Variants in SMYD3 observed in about 807,000 individuals in gnomAD.
SMYD3 encodes the protein histone-lysine N-methyltransferase SMYD3.
Under a neutral mutation model 57.7 loss-of-function variants are expected in SMYD3, and 36 were observed. The ratio of observed to expected loss-of-function variants is 0.62; its 90% CI spans 0.48 to 0.82. The LOEUF (loss-of-function observed/expected upper bound fraction) is 0.82, where lower values mean the gene tolerates loss of function less well. Ranked by LOEUF, SMYD3 falls within the 40% of genes least tolerant of loss-of-function variation. The pLI is 0.00. For missense variants in SMYD3, 515 were observed against 538.8 expected (o/e 0.96, Z 0.44); for synonymous variants, 211 against 195.0 (o/e 1.08, Z -0.68).
At chr1:245,849,258 A>G (rs575393300) in intron 10 of SMYD3, among the ~76,000 whole-genome samples, 5 of 152,332 alleles carry the variant, frequency 3.3e-5, no homozygotes, top group African/African-American at 1.2e-4. Context: ...AGCTCCCCTT[A>G]GCACATGGTT....
intron 8 of SMYD3, among the ~76,000 whole-genome samples, chr1:245,877,302 G>A (rs1172503766): frequency 1.3e-5 from 2 of 152,188 alleles, no homozygotes; most frequent in Non-Finnish European, 2.9e-5. Flanking sequence ...TGAATTAAAC[G>A]GTTCATCGGG....
At chr1:246,071,254 T>C (rs867637142) in intron 5 of SMYD3, among the ~76,000 whole-genome samples, 7 of 151,788 alleles carry the variant, frequency 4.6e-5, no homozygotes, top group Non-Finnish European at 8.8e-5. Flanking sequence ...TAAAAAAAAA[T>C]TGTGGGAGTG....
intron 1 of SMYD3, among the ~76,000 whole-genome samples, chr1:246,465,440 A>T (rs1572524160): frequency 6.6e-6 from 1 of 152,260 alleles, no homozygotes. Context: ...ACTAGTGCCA[A>T]ATACACCACT....
intron 1 of SMYD3, among the ~76,000 whole-genome samples, chr1:246,357,827 C>G (rs1001679232): frequency 1.3e-5 from 2 of 152,160 alleles, no homozygotes; most frequent in Non-Finnish European, 2.9e-5. Flanking sequence ...AATCTTGAAA[C>G]AAATCCTCGA....
chr1:245,870,013 TC>T (rs1558441572), intron 8 of SMYD3, among the ~76,000 whole-genome samples: 2 of 152,178 alleles, frequency 1.3e-5, no homozygotes, highest in African/African-American at 4.8e-5. Flanking sequence ...TCCCCAGGTA[TC>T]CTCAGAACGC....
At chr1:246,504,254 T>G (rs1206065875) in intron 1 of SMYD3, among the ~76,000 whole-genome samples, 1 of 152,178 alleles carries the variant, frequency 6.6e-6, no homozygotes, top group Non-Finnish European at 1.5e-5. Flanking sequence ...GTGCATCCCT[T>G]AAGGACATCA....
chr1:246,073,534 T>C (rs1354560471), intron 5 of SMYD3, among the ~76,000 whole-genome samples: 3 of 151,898 alleles, frequency 2.0e-5, no homozygotes, highest in Non-Finnish European at 4.4e-5. Flanking sequence ...CTGGGCAACA[T>C]GGCAAAACCC....
intron 5 of SMYD3, among the ~76,000 whole-genome samples, chr1:246,115,286 A>C (rs1413182850): frequency 6.6e-6 from 1 of 152,194 alleles, no homozygotes; most frequent in African/African-American, 2.4e-5. Context: ...AAGACCACGA[A>C]TACTGCCTGC....
intron 5 of SMYD3, among the ~76,000 whole-genome samples, chr1:246,049,205 C>T (rs1294468287): frequency 2.6e-5 from 4 of 152,176 alleles, no homozygotes; most frequent in African/African-American, 9.7e-5. Flanking sequence ...ATAAACGACT[C>T]TGTGCTTCTT....
At chr1:245,778,699 T>G (rs1439048641) in intron 10 of SMYD3, among the ~76,000 whole-genome samples, 1 of 152,182 alleles carries the variant, frequency 6.6e-6, no homozygotes, top group East Asian at 1.9e-4. Context: ...AATAGATCAT[T>G]GACCTAAATA....
At chr1:246,297,510 A>G (rs79325596) in intron 5 of SMYD3, among the ~76,000 whole-genome samples, 1,892 of 152,276 alleles carry the variant, frequency 0.012, 24 homozygotes, top group Non-Finnish European at 0.02. Flanking sequence ...AGAACCCTCA[A>G]CGAACAAAGG....
intron 1 of SMYD3, among the ~76,000 whole-genome samples, chr1:246,440,576 T>A (rs1010950050): frequency 6.6e-5 from 10 of 152,126 alleles, no homozygotes; most frequent in African/African-American, 2.4e-4. Context: ...ATGTAGGAAC[T>A]CTCTCTCCAA....
intron 5 of SMYD3, among the ~76,000 whole-genome samples, chr1:246,072,282 G>GCTCACTGTC (rs2060468234): frequency 1.6e-5 from 1 of 61,052 alleles, no homozygotes; most frequent in African/African-American, 6.0e-5. Flanking sequence ...TGCTCACTGT[G>GCTCACTGTC]GATGCATCGT....
chr1:246,430,732 T>C (rs569772900), intron 1 of SMYD3, among the ~76,000 whole-genome samples: 1 of 152,122 alleles, frequency 6.6e-6, no homozygotes, highest in East Asian at 1.9e-4. Flanking sequence ...CAGGACTAGA[T>C]GATAACTGAA....
chr1:246,138,385 C>T (rs959683881), intron 5 of SMYD3, among the ~76,000 whole-genome samples: 6 of 152,022 alleles, frequency 3.9e-5, no homozygotes, highest in African/African-American at 1.4e-4. Context: ...GCATTTTGGT[C>T]AGTTCATCTC....
intron 5 of SMYD3, among the ~76,000 whole-genome samples, chr1:246,237,093 C>A (rs1229273438): frequency 2.0e-5 from 3 of 152,104 alleles, no homozygotes; most frequent in Middle Eastern, 3.2e-3. Context: ...AGCATCCCCC[C>A]ACTTGTCAAT....
chr1:246,403,881 A>G (rs1268184411), intron 1 of SMYD3, among the ~76,000 whole-genome samples: 2 of 152,224 alleles, frequency 1.3e-5, no homozygotes, highest in African/African-American at 4.8e-5. Context: ...TACATTTGTG[A>G]CAAGCATAGA....
At chr1:246,048,074 A>C (rs745774003) in intron 5 of SMYD3, among the ~76,000 whole-genome samples, 1 of 152,200 alleles carries the variant, frequency 6.6e-6, no homozygotes, top group African/African-American at 2.4e-5. Flanking sequence ...TAAATCGATA[A>C]GGAAAAGACC....
chr1:246,008,113 T>G (rs1309341467), intron 5 of SMYD3, among the ~76,000 whole-genome samples: 1 of 152,212 alleles, frequency 6.6e-6, no homozygotes, highest in Non-Finnish European at 1.5e-5. Flanking sequence ...ACAAGCGATG[T>G]GACAAAAATG....
Sources: allele counts gnomAD v4.1 joint callset (sites outside exome capture counted in the v4.1 genomes callset), GRCh38; gene constraint gnomAD v4.1.1; transcripts MANE v1.5; gene names NCBI Gene and HGNC (gene_info 2026-07-23, HGNC 2026-07-21).